The following NRP1 variants were observed in gnomAD, a reference collection of about 807,000 sequenced individuals.
NRP1 encodes neuropilin-1.
Under a neutral mutation model 106.7 loss-of-function variants are expected in NRP1, and 35 were observed. That is an observed-to-expected ratio of 0.33 (90% CI 0.25 to 0.43). The LOEUF (loss-of-function observed/expected upper bound fraction) is 0.43, where lower values mean the gene tolerates loss of function less well. Among genes scored for constraint, NRP1 ranks in the 20% least tolerant of loss-of-function variants. The pLI is 1.00. For synonymous variants in NRP1, 437 were observed against 417.9 expected (o/e 1.05, Z -0.56); for missense variants, 1,024 against 1,170.4 (o/e 0.87, Z 1.83).
chr10:33,270,184 C>T (rs1261638503), intron 3 of NRP1, among the ~76,000 whole-genome samples: 2 of 152,058 alleles, frequency 1.3e-5, no homozygotes, highest in Non-Finnish European at 2.9e-5. Flanking sequence ...AATACACTTC[C>T]TCCATACAAT....
chr10:33,262,434 G>A (rs1420705966), intron 4 of NRP1, among the ~76,000 whole-genome samples: 1 of 152,082 alleles, frequency 6.6e-6, no homozygotes, highest in Non-Finnish European at 1.5e-5. Flanking sequence ...CAGGCATGGA[G>A]GCTCATGCCT....
intron 3 of NRP1, among the ~76,000 whole-genome samples, chr10:33,269,499 T>C (rs1409160276): frequency 1.3e-5 from 2 of 152,198 alleles, no homozygotes; most frequent in Admixed American, 1.3e-4. Flanking sequence ...ACTTCAAGGA[T>C]AGATCAAACT....
At chr10:33,194,880 G>A in intron 12 of NRP1, 4 of 420,040 alleles carry the variant, frequency 9.5e-6, no homozygotes, top group Admixed American at 6.4e-5. Context: ...GAAAAGGAGA[G>A]AAAAAAGCAA....
chr10:33,280,105 T>C (rs968274087), intron 2 of NRP1, among the ~76,000 whole-genome samples: 1 of 152,246 alleles, frequency 6.6e-6, no homozygotes, highest in African/African-American at 2.4e-5. Flanking sequence ...TGGTGTTAAA[T>C]ATTGATCAAA....
intron 2 of NRP1, among the ~76,000 whole-genome samples, chr10:33,311,775 A>C (rs2132794404): frequency 6.6e-6 from 1 of 152,310 alleles, no homozygotes; most frequent in South Asian, 2.1e-4. Flanking sequence ...GTTGTGATGA[A>C]TGTTTAACCA....
chr10:33,202,096 A>G (rs1326323409), intron 11 of NRP1: 1 of 152,274 alleles, frequency 6.6e-6, no homozygotes, highest in Non-Finnish European at 1.5e-5. Flanking sequence ...GTCAGATGCT[A>G]TTGAAACTGC....
intron 2 of NRP1, among the ~76,000 whole-genome samples, chr10:33,272,576 A>T (rs181494392): frequency 1.4e-3 from 207 of 152,258 alleles, no homozygotes; most frequent in African/African-American, 4.6e-3. Flanking sequence ...TATGTTTAAA[A>T]TCCTAACTAG....
chr10:33,311,236 G>C (rs1436902292), intron 2 of NRP1, among the ~76,000 whole-genome samples: 1 of 152,218 alleles, frequency 6.6e-6, no homozygotes, highest in Non-Finnish European at 1.5e-5. Context: ...TAGGACCCCA[G>C]CAGAGGGTTA....
intron 10 of NRP1, among the ~76,000 whole-genome samples, chr10:33,203,347 T>G (rs567389911): frequency 5.9e-5 from 9 of 152,256 alleles, no homozygotes; most frequent in Non-Finnish European, 8.8e-5. Context: ...GAGATTTTGC[T>G]TGAAACGTTT....
chr10:33,279,657 G>A (rs1187327722), intron 2 of NRP1, among the ~76,000 whole-genome samples: 1 of 152,088 alleles, frequency 6.6e-6, no homozygotes. Flanking sequence ...TTGAATAACT[G>A]GGAGACAGTG....
At chr10:33,250,871 C>T (rs1841806276) in intron 6 of NRP1, among the ~76,000 whole-genome samples, 1 of 152,210 alleles carries the variant, frequency 6.6e-6, no homozygotes, top group South Asian at 2.1e-4. Flanking sequence ...GCTCTCCTCC[C>T]TCTAGCCAGG....
chr10:33,297,269 G>A (rs1275240201), intron 2 of NRP1, among the ~76,000 whole-genome samples: 5 of 152,136 alleles, frequency 3.3e-5, no homozygotes, highest in Non-Finnish European at 7.3e-5. Context: ...TTTTCTCCAA[G>A]GATGTTCTTA....
intron 4 of NRP1, among the ~76,000 whole-genome samples, chr10:33,260,496 C>T (rs1001038357): frequency 6.6e-6 from 1 of 152,148 alleles, no homozygotes; most frequent in Admixed American, 6.5e-5. Context: ...GCCCCTTTTG[C>T]CAGCTGAGGC....
At chr10:33,203,074 C>T in intron 10 of NRP1, 79 bp from the exon 11 acceptor site, 1 of 1,442,914 alleles carries the variant, frequency 6.9e-7, no homozygotes, top group Non-Finnish European at 9.4e-7. Flanking sequence ...TCTGCTAACG[C>T]TTATGCAGAA....
At chr10:33,254,986 C>A (rs1842104110) in intron 5 of NRP1, among the ~76,000 whole-genome samples, 1 of 152,112 alleles carries the variant, frequency 6.6e-6, no homozygotes, top group Non-Finnish European at 1.5e-5. Context: ...TCTCTTAGGC[C>A]TAACATCCTC....
At chr10:33,246,066 T>A (rs1841398330) in intron 6 of NRP1, among the ~76,000 whole-genome samples, 1 of 152,060 alleles carries the variant, frequency 6.6e-6, no homozygotes, top group South Asian at 2.1e-4. Context: ...TTGCACTGAT[T>A]TTTTAAGCTG....
In NRP1 at chr10:33,197,717, AC is replaced by A; in HGVS notation, c.1865-9del. 6.4e-7 allele frequency: 1 copy of A among 1,574,308 alleles called. No individual in the cohort carries two copies. Among genetic ancestry groups the A allele is most frequent in the Non-Finnish European group, 8.7e-7 (1 of 1,151,050 alleles). ...CCAGCACAGTGGTGCCACCTGAAAA[AC>A]AAAAACAGGAACATGCAAAAATAAG... is the stretch of plus-strand genomic sequence containing the variant. On this transcript the variant is annotated splice_polypyrimidine_tract_variant and intron_variant, in intron 11 of 16. Coordinates refer to ENST00000374867, the MANE Select transcript of NRP1 (RefSeq NM_003873.7).
intron 3 of NRP1, among the ~76,000 whole-genome samples, chr10:33,266,130 A>C (rs1031455255): frequency 6.6e-6 from 1 of 152,154 alleles, no homozygotes; most frequent in Non-Finnish European, 1.5e-5. Context: ...TCTCCTTCTT[A>C]AAAAGATAAA....
intron 6 of NRP1, among the ~76,000 whole-genome samples, chr10:33,237,930 C>T (rs182611138): frequency 3.3e-5 from 5 of 152,278 alleles, no homozygotes; most frequent in African/African-American, 7.2e-5. Context: ...TCTCCCACTG[C>T]AAACACACAC....
Sources: allele counts gnomAD v4.1 joint callset (sites outside exome capture counted in the v4.1 genomes callset), GRCh38; gene constraint gnomAD v4.1.1; transcripts MANE v1.5; gene names NCBI Gene and HGNC (gene_info 2026-07-23, HGNC 2026-07-21).